Variants in PLXNA4 observed in about 807,000 individuals in gnomAD.
PLXNA4 encodes plexin A4, also known as plexin-A4.
In PLXNA4, 44 loss-of-function variants were observed where a neutral mutation model predicts 191.8. That is an observed-to-expected ratio of 0.23 (90% CI 0.18 to 0.29). The LOEUF is 0.29. Ranked by LOEUF, PLXNA4 falls within the 10% of genes least tolerant of loss-of-function variation. The pLI is 1.00. For missense variants in PLXNA4, 1,800 were observed against 2,488.8 expected (o/e 0.72, Z 5.89); for synonymous variants, 1,082 against 1,009.5 (o/e 1.07, Z -1.36).
chr7:132,263,171 C>T (rs1272612543), intron 4 of PLXNA4, among the ~76,000 whole-genome samples: 1 of 152,162 alleles, frequency 6.6e-6, no homozygotes, highest in African/African-American at 2.4e-5. Flanking sequence ...TTCCTGTTCT[C>T]CCTCACATCC....
intron 3 of PLXNA4, among the ~76,000 whole-genome samples, chr7:132,326,334 C>T (rs1391442004): frequency 1.3e-5 from 2 of 152,208 alleles, no homozygotes; most frequent in South Asian, 4.1e-4. Flanking sequence ...TTCTTTACAA[C>T]AAACCTCTTT....
intron 1 of PLXNA4, among the ~76,000 whole-genome samples, chr7:132,543,515 C>T (rs1342950899): frequency 6.6e-6 from 1 of 152,156 alleles, no homozygotes; most frequent in Admixed American, 6.5e-5. Context: ...ATATCTTCTC[C>T]ACTTTCTGAA....
intron 3 of PLXNA4, among the ~76,000 whole-genome samples, chr7:132,474,501 A>G (rs1164361801): frequency 6.6e-6 from 1 of 152,032 alleles, no homozygotes; most frequent in Admixed American, 6.6e-5. Flanking sequence ...ATTCACCCCA[A>G]TTACAACACC....
chr7:132,577,989 T>C (rs1010150027), upstream of PLXNA4, among the ~76,000 whole-genome samples: 10 of 152,176 alleles, frequency 6.6e-5, no homozygotes, highest in Non-Finnish European at 1.3e-4. Flanking sequence ...ATGTTTATAC[T>C]GAGCGGCTCT....
intron 4 of PLXNA4, among the ~76,000 whole-genome samples, chr7:132,273,987 A>G (rs543335511): frequency 6.7e-6 from 1 of 149,474 alleles, no homozygotes; most frequent in African/African-American, 2.5e-5. Flanking sequence ...CCCATGCCAT[A>G]GAATACTATT....
At chr7:132,382,349 T>C (rs1804931968) in intron 3 of PLXNA4, among the ~76,000 whole-genome samples, 1 of 152,072 alleles carries the variant, frequency 6.6e-6, no homozygotes, top group Non-Finnish European at 1.5e-5. Flanking sequence ...AGGGGTGCAG[T>C]GTAGACACAA....
intron 4 of PLXNA4, among the ~76,000 whole-genome samples, chr7:132,277,377 A>T (rs1351774326): frequency 6.6e-6 from 1 of 152,220 alleles, no homozygotes; most frequent in Admixed American, 6.5e-5. Context: ...GCTGCACAGT[A>T]CCAACCACCA....
intron 4 of PLXNA4, among the ~76,000 whole-genome samples, chr7:132,297,265 A>C (rs1052626957): frequency 4.6e-5 from 7 of 152,134 alleles, no homozygotes; most frequent in Non-Finnish European, 1.0e-4. Flanking sequence ...AGAATGACCC[A>C]TCCTCCACAG....
intron 2 of PLXNA4, among the ~76,000 whole-genome samples, chr7:132,615,551 C>T (rs1256628830): frequency 6.6e-6 from 1 of 152,172 alleles, no homozygotes; most frequent in Non-Finnish European, 1.5e-5. Context: ...GTGTCCACTT[C>T]GGGATCTGTC....
intron 4 of PLXNA4, among the ~76,000 whole-genome samples, chr7:132,263,544 G>A (rs1305769674): frequency 1.3e-5 from 2 of 152,198 alleles, no homozygotes; most frequent in African/African-American, 4.8e-5. Flanking sequence ...TCTAGTTCTG[G>A]TTTGGAAGCT....
intron 3 of PLXNA4, among the ~76,000 whole-genome samples, chr7:132,320,627 G>T (rs371182828): frequency 6.6e-6 from 1 of 151,916 alleles, no homozygotes; most frequent in African/African-American, 2.4e-5. Flanking sequence ...CAGAGTCTCC[G>T]TGCTTCTCCA....
intron 2 of PLXNA4, among the ~76,000 whole-genome samples, chr7:132,583,601 G>T (rs1802449092): frequency 6.6e-6 from 1 of 152,338 alleles, no homozygotes; most frequent in African/African-American, 2.4e-5. Flanking sequence ...ATGCAAAGCA[G>T]AGAAAGAGCC....
intron 3 of PLXNA4, among the ~76,000 whole-genome samples, chr7:132,443,588 G>A (rs1241799266): frequency 6.6e-6 from 1 of 152,148 alleles, no homozygotes; most frequent in Non-Finnish European, 1.5e-5. Context: ...AAATAAAGAC[G>A]ATGAGCCGAC....
chr7:132,330,506 G>A (rs1802548779), intron 3 of PLXNA4, among the ~76,000 whole-genome samples: 2 of 152,226 alleles, frequency 1.3e-5, no homozygotes, highest in Admixed American at 6.5e-5. Flanking sequence ...CTTCTGTCCT[G>A]TAGGAGTCCT....
In PLXNA4 at chr7:132,168,539, C is replaced by T. The variant is rs746333264; in HGVS notation, c.4051G>A (p.Gly1351Ser). Residue 1351 changes from glycine (G) to serine (S), a missense_variant, in exon 22 of 32, where the codon GGC (glycine) becomes AGC (serine). Transcript: ENST00000321063. Reference protein sequence around the residue: ...PGYRQERVEKGLKLFAQLINN... With the variant: ...PGYRQERVEKSLKLFAQLINN... The stretch of plus-strand genomic sequence containing the variant: ...ATGAGCTGGGCGAAGAGCTTCAGGC[C>T]TTTCTCCACACGCTCCTGCCGGTAG... 1 of 1,603,740 alleles carries T rather than the reference C, an allele frequency of 6.2e-7. No homozygotes were observed. The highest frequency in any genetic ancestry group is 8.5e-7 in the Non-Finnish European group (1 of 1,174,004).
chr7:132,566,761 C>A (rs1801744334), intron 1 of PLXNA4, among the ~76,000 whole-genome samples: 1 of 152,136 alleles, frequency 6.6e-6, no homozygotes, highest in South Asian at 2.1e-4. Flanking sequence ...GAATTTGTTT[C>A]TTTATGAAAT....
At chr7:132,333,610 G>A (rs1802684880) in intron 3 of PLXNA4, among the ~76,000 whole-genome samples, 1 of 152,186 alleles carries the variant, frequency 6.6e-6, no homozygotes, top group Admixed American at 6.5e-5. Context: ...ACTGTGGGGT[G>A]CAATCCAGGA....
intron 3 of PLXNA4, among the ~76,000 whole-genome samples, chr7:132,305,359 A>AG (rs1801472156): frequency 9.3e-6 from 1 of 107,118 alleles, no homozygotes; most frequent in African/African-American, 3.7e-5. Context: ...CAGCTTACCA[A>AG]GAACACACAC....
intron 3 of PLXNA4, among the ~76,000 whole-genome samples, chr7:132,327,746 T>C (rs908129217): frequency 1.3e-5 from 2 of 152,228 alleles, no homozygotes; most frequent in Admixed American, 6.5e-5. Context: ...ATTATTCATA[T>C]GTGAGTTAAC....
Sources: gnomAD v4.1 joint callset for allele counts (sites outside exome capture counted in the v4.1 genomes callset) on GRCh38, gnomAD v4.1.1 for gene constraint, MANE v1.5 for transcripts, NCBI Gene and HGNC (gene_info 2026-07-23, HGNC 2026-07-21) for gene names.